Variants in LGR4 observed in about 807,000 individuals in gnomAD.
The protein encoded by LGR4 is leucine-rich repeat-containing G protein-coupled receptor 4.
Under a neutral mutation model 84.8 loss-of-function variants are expected in LGR4, and 44 were observed. The ratio of observed to expected loss-of-function variants is 0.52; its 90% CI spans 0.41 to 0.67. LGR4 has a LOEUF of 0.67. Among genes scored for constraint, LGR4 ranks in the 30% least tolerant of loss-of-function variants. The pLI is 0.00. For missense variants in LGR4, 1,032 were observed against 1,131.4 expected (o/e 0.91, Z 1.26); for synonymous variants, 429 against 434.3 (o/e 0.99, Z 0.15).
chr11:27,433,306 G>A (rs145837672), intron 1 of LGR4, among the ~76,000 whole-genome samples: 26 of 152,174 alleles, frequency 1.7e-4, no homozygotes, highest in African/African-American at 5.8e-4. Context: ...TCCGCCTCCC[G>A]GGTTCTCGCC....
At chr11:27,373,822 C>T (rs557574586) in intron 14 of LGR4, 146 bp from the exon 15 acceptor site, 2 of 1,005,470 alleles carry the variant, frequency 2.0e-6, no homozygotes, top group African/African-American at 1.6e-5. Flanking sequence ...ATGTATCTTG[C>T]CGTTTAAGAA....
chr11:27,451,483 G>A (rs1328289197), intron 1 of LGR4, among the ~76,000 whole-genome samples: 1 of 152,166 alleles, frequency 6.6e-6, no homozygotes, highest in African/African-American at 2.4e-5. Flanking sequence ...AGGCCAGAAA[G>A]GAATAATTAA....
chr11:27,409,457 C>G (rs1360732401), intron 2 of LGR4, among the ~76,000 whole-genome samples: 1 of 152,078 alleles, frequency 6.6e-6, no homozygotes, highest in African/African-American at 2.4e-5. Context: ...ACTATTTACA[C>G]TCTTATCTTT....
At chr11:27,468,846 C>T (rs1405613640) in intron 1 of LGR4, among the ~76,000 whole-genome samples, 6 of 152,158 alleles carry the variant, frequency 3.9e-5, no homozygotes, top group Non-Finnish European at 8.8e-5. Context: ...ATGTGCCAAA[C>T]ATAACCTAGG....
At chr11:27,416,782 T>C (rs537526115) in intron 1 of LGR4, among the ~76,000 whole-genome samples, 1 of 152,292 alleles carries the variant, frequency 6.6e-6, no homozygotes, top group African/African-American at 2.4e-5. Context: ...CCAGCAGTCA[T>C]TGATTTCAAA....
intron 1 of LGR4, among the ~76,000 whole-genome samples, chr11:27,436,558 C>G (rs1864215447): frequency 6.6e-6 from 1 of 152,048 alleles, no homozygotes; most frequent in South Asian, 2.1e-4. Context: ...GAAGACAACA[C>G]TTATATAACT....
chr11:27,439,545 T>C (rs530190221), intron 1 of LGR4, among the ~76,000 whole-genome samples: 2 of 152,336 alleles, frequency 1.3e-5, no homozygotes, highest in East Asian at 3.9e-4. Flanking sequence ...GGTGTGCAAA[T>C]ATTTCTTTTA....
chr11:27,450,370 C>T (rs1354497095), intron 1 of LGR4, among the ~76,000 whole-genome samples: 1 of 152,206 alleles, frequency 6.6e-6, no homozygotes, highest in East Asian at 1.9e-4. Context: ...TTCCTTCCGG[C>T]AGAATATCTT....
intron 1 of LGR4, among the ~76,000 whole-genome samples, chr11:27,451,417 T>C (rs1864479336): frequency 6.6e-6 from 1 of 152,174 alleles, no homozygotes; most frequent in Non-Finnish European, 1.5e-5. Context: ...ACAAACTAAA[T>C]GTTTTAAGGA....
intron 1 of LGR4, among the ~76,000 whole-genome samples, chr11:27,470,657 C>A (rs1864853213): frequency 6.6e-6 from 1 of 150,804 alleles, no homozygotes; most frequent in African/African-American, 2.4e-5. Flanking sequence ...GAACAAAATG[C>A]TCTTCACTGC....
intron 10 of LGR4, chr11:27,379,121 C>T (rs1021841544): frequency 1.4e-5 from 3 of 220,540 alleles, no homozygotes; most frequent in Non-Finnish European, 2.6e-5. Context: ...TGCATTCTGC[C>T]CCCAAATCTT....
intron 1 of LGR4, among the ~76,000 whole-genome samples, chr11:27,453,050 A>G (rs543029568): frequency 2.1e-4 from 32 of 151,606 alleles, no homozygotes; most frequent in African/African-American, 7.5e-4. Flanking sequence ...TGTTTAATTA[A>G]GTTGTCACTA....
intron 2 of LGR4, among the ~76,000 whole-genome samples, chr11:27,400,876 C>G (rs1292084915): frequency 6.6e-6 from 1 of 152,108 alleles, no homozygotes; most frequent in East Asian, 1.9e-4. Flanking sequence ...AGAGGGCTAA[C>G]AACTAATAGC....
At chr11:27,421,751 T>G (rs2133409646) in intron 1 of LGR4, among the ~76,000 whole-genome samples, 1 of 152,362 alleles carries the variant, frequency 6.6e-6, no homozygotes, top group African/African-American at 2.4e-5. Flanking sequence ...CAGCTTCTTT[T>G]GGTTTTGTTT....
chr11:27,367,844 G>A lies in LGR4; in HGVS notation c.*23C>T. 1.3e-6 allele frequency: 2 copies of A among 1,532,294 alleles called. No homozygotes were observed. The highest frequency in any genetic ancestry group is 8.8e-7 in the Non-Finnish European group (1 of 1,140,668). 94.9% of individuals were successfully genotyped at this position (1,532,294 alleles called of 1,614,324 possible). On this transcript the variant is annotated 3_prime_UTR_variant, in exon 18 of 18. Transcript: ENST00000379214. The stretch of plus-strand genomic sequence containing the variant: ...TAAACACTGATTTTGGTTGACGGGG[G>A]AAACGGTTACACACACAGTAGTTCA...
chr11:27,371,552 T>A (rs1369320781), intron 17 of LGR4, 63 bp downstream of exon 17: 1 of 1,097,418 alleles, frequency 9.1e-7, no homozygotes, highest in African/African-American at 1.5e-5. Context: ...CCCAGGACAT[T>A]TAGATATATT....
At chr11:27,378,972 A>C in intron 10 of LGR4, 1 of 556,356 alleles carries the variant, frequency 1.8e-6, no homozygotes, top group Non-Finnish European at 3.1e-6. Context: ...ACTCAAAAAC[A>C]CTTGTGACAT....
At chr11:27,382,444 A>T (rs1863115290) in intron 6 of LGR4, among the ~76,000 whole-genome samples, 188 bp from the exon 7 acceptor site, 1 of 147,982 alleles carries the variant, frequency 6.8e-6, no homozygotes, top group Admixed American at 6.6e-5. Flanking sequence ...ACAATAATGA[A>T]TAGAGAGAAA....
rs765418591 is a variant in LGR4 at position 27,391,162 on chromosome 11, C to T, written c.333G>A (p.Thr111=). ...CTGTTTTCAACTGATTATTCTGGAGCGTTCTGAAAGAAAATTTTTGGTTAG... is the reference window on the plus strand; with the variant it reads ...CTGTTTTCAACTGATTATTCTGGAGTGTTCTGAAAGAAAATTTTTGGTTAG... The part of the protein sequence containing the change: ...LSGLKELKVL[T]LQNNQLKTVP... The change falls in exon 4 of 18, where the codon ACG becomes ACA. Residue 111 remains threonine, a synonymous_variant. Coordinates refer to ENST00000379214, the MANE Select transcript of LGR4 (RefSeq NM_018490.5). The T allele has an allele frequency of 1.3e-5, 21 of 1,589,312 alleles. No homozygotes were observed. The highest frequency in any genetic ancestry group is 3.5e-5 in the Admixed American group (2 of 57,122).
Sources: gnomAD v4.1 joint callset for allele counts (sites outside exome capture counted in the v4.1 genomes callset) on GRCh38, gnomAD v4.1.1 for gene constraint, MANE v1.5 for transcripts, NCBI Gene and HGNC (gene_info 2026-07-23, HGNC 2026-07-21) for gene names.